The following TRIM68 variants were observed in gnomAD, a reference collection of about 807,000 sequenced individuals.
The protein encoded by TRIM68 is tripartite motif containing 68.
In TRIM68, 36 loss-of-function variants were observed where a neutral mutation model predicts 41.9. That is an observed-to-expected ratio of 0.86 (90% CI 0.66 to 1.14). TRIM68 has a LOEUF of 1.14. Among genes scored for constraint, TRIM68 ranks in the 50% most tolerant of loss-of-function variants. TRIM68 has a pLI of 0.00. For synonymous variants in TRIM68, 225 were observed against 224.6 expected, an observed-to-expected ratio of 1.00 and a Z score of -0.02; for missense variants, 632 against 605.1, an observed-to-expected ratio of 1.04 and a Z score of -0.47.
Position 4,600,440 on chromosome 11 carries a change from G to C in TRIM68, c.1294C>G (p.His432Asp). 1 of 1,613,972 alleles carries C rather than the reference G, an allele frequency of 6.2e-7. No homozygotes were observed. Among genetic ancestry groups the C allele is most frequent in the Non-Finnish European group, 8.5e-7 (1 of 1,179,936 alleles). Reference sequence around the variant, plus strand: ...GTCACATTGTAGAAAGAAATGTCATGGGCCTCATAATCCACGAAGATTCCC... The same window carrying C: ...GTCACATTGTAGAAAGAAATGTCATCGGCCTCATAATCCACGAAGATTCCC... ...RVGIFVDYEA[H>D]DISFYNVTDC... The change falls in exon 7 of 7, where the codon CAT becomes GAT. Residue 432 changes from histidine (H) to aspartate (D), a missense_variant. His to Asp is a moderately conservative substitution (Grantham distance 81). Transcript: ENST00000300747.
intron 4 of TRIM68, chr11:4,601,928 GC>G: frequency 1.3e-6 from 1 of 776,052 alleles, no homozygotes; most frequent in Non-Finnish European, 2.0e-6. Flanking sequence ...CTGGAATGAC[GC>G]CAGAGCTGCC....
chr11:4,604,392 G>T (rs572989106), intron 2 of TRIM68, among the ~76,000 whole-genome samples: 1 of 152,320 alleles, frequency 6.6e-6, no homozygotes, highest in African/African-American at 2.4e-5. Context: ...AAGTTGATGA[G>T]GTTAGCTACA....
chr11:4,601,618 C>T (rs1312953531), intron 5 of TRIM68, 46 bp downstream of exon 5: 1 of 1,611,458 alleles, frequency 6.2e-7, no homozygotes, highest in East Asian at 2.2e-5. Context: ...TTAGGCCTCA[C>T]TATCCCCTAC....
chr11:4,599,205 T>C lies in TRIM68; in HGVS notation c.*1071A>G, dbSNP rs1317360959. ...CTTCAGCAGCTTTGTAAGAAATAAC[T>C]TGCTCCAGGGGCCGGGCGCAGTGGC... On this transcript the variant is annotated 3_prime_UTR_variant, in exon 7 of 7. Coordinates refer to ENST00000300747, the MANE Select transcript of TRIM68 (RefSeq NM_018073.8). 6.6e-6 allele frequency: 1 copy of C among 152,140 alleles called. No individual in the cohort carries two copies. Among genetic ancestry groups the C allele is most frequent in the Non-Finnish European group, 1.5e-5 (1 of 68,026 alleles). The allele number at this position is 152,140 out of a possible 1,614,324, so 9.4% of individuals were successfully genotyped here. A position where few individuals can be genotyped will look rare whatever the true frequency, so the allele number is the denominator to read the frequency against.
Position 4,599,190 on chromosome 11 carries a change from T to A in TRIM68, c.*1086A>T, listed in dbSNP as rs1217698284. 1 of 152,184 alleles carries A rather than the reference T, an allele frequency of 6.6e-6. No homozygotes were observed. Among genetic ancestry groups the A allele is most frequent in the East Asian group, 1.9e-4 (1 of 5,190 alleles). The allele number at this position is 152,184 out of a possible 1,614,324, so 9.4% of individuals were successfully genotyped here. A position where few individuals can be genotyped will look rare whatever the true frequency, so the allele number is the denominator to read the frequency against. Reference sequence around the variant, plus strand: ...TTTTGATAATCTTACCTTCAGCAGCTTTGTAAGAAATAACTTGCTCCAGGG... The same window carrying A: ...TTTTGATAATCTTACCTTCAGCAGCATTGTAAGAAATAACTTGCTCCAGGG... On this transcript the variant is annotated 3_prime_UTR_variant, in exon 7 of 7. Coordinates refer to ENST00000300747, the MANE Select transcript of TRIM68 (RefSeq NM_018073.8).
At chr11:4,607,065 C>G (rs932784098) in intron 1 of TRIM68, among the ~76,000 whole-genome samples, 5 of 152,222 alleles carry the variant, frequency 3.3e-5, no homozygotes, top group Admixed American at 2.6e-4. Context: ...CTCCTTGAAA[C>G]AGCACCTGTG....
At position 4,605,357 on chromosome 11, in the gene TRIM68, A is replaced by G. The variant is rs775773891; in HGVS notation, c.148T>C (p.Ser50Pro). ...LSGLWEIPGESQNWGYTCPLC... is the reference protein window; with the variant it reads ...LSGLWEIPGEPQNWGYTCPLC... ...GGACAGGTGTAACCCCAGTTCTGGG[A>G]TTCTCCTGGGATCTCCCAGAGTCCA... Residue 50 changes from serine to proline, a missense_variant, in exon 2 of 7, where the codon TCC becomes CCC. By Grantham distance (74) the Ser-to-Pro change is moderately conservative. Coordinates refer to ENST00000300747, the MANE Select transcript of TRIM68 (RefSeq NM_018073.8). 1 of 1,614,210 alleles carries G rather than the reference A, an allele frequency of 6.2e-7. No homozygotes were observed. The highest frequency in any genetic ancestry group is 1.7e-5 in the Admixed American group (1 of 60,028).
In TRIM68 at chr11:4,602,260, C is replaced by T; in HGVS notation, c.675G>A (p.Gln225=). 1 of 1,614,188 alleles carries T rather than the reference C, an allele frequency of 6.2e-7. No individual in the cohort carries two copies. The highest frequency in any genetic ancestry group is 8.5e-7 in the Non-Finnish European group (1 of 1,180,032). ...GCTCGCTATGGTTCAACTCCAGTTT[C>T]TGCATGGTCTCCGCTGCCTCCCGCT... ...SLQREAAETM[Q]KLELNHSELI... Residue 225 remains glutamine (Q), a synonymous_variant, in exon 4 of 7, where the codon CAG becomes CAA. Transcript: ENST00000300747.
chr11:4,601,932 G>C (rs912563496), intron 4 of TRIM68: 2 of 779,152 alleles, frequency 2.6e-6, no homozygotes, highest in Non-Finnish European at 4.1e-6. Flanking sequence ...AATGACGCCA[G>C]AGCTGCCTGA....
In TRIM68 at chr11:4,599,087, T is replaced by C. The variant is rs1021987228; in HGVS notation, c.*1189A>G. On this transcript the variant is annotated 3_prime_UTR_variant, in exon 7 of 7. Transcript: ENST00000300747. ...TGAGAAGTTTCAGACCCAAATATAA[T>C]AAGTGATGTATAGGCATGTGACCTG... 1 of 152,208 alleles carries C rather than the reference T, an allele frequency of 6.6e-6. No homozygotes were observed. The highest frequency in any genetic ancestry group is 1.5e-5 in the Non-Finnish European group (1 of 68,034). The allele number at this position is 152,208 out of a possible 1,614,324, so 9.4% of individuals were successfully genotyped here.
chr11:4,605,703 T>C, intron 1 of TRIM68, 142 bp from the exon 2 acceptor site: 1 of 604,136 alleles, frequency 1.7e-6, no homozygotes, highest in South Asian at 2.2e-5. Flanking sequence ...CATTGGCCTT[T>C]CCAACTGAAG....
At position 4,605,127 on chromosome 11, in the gene TRIM68, A is replaced by C. The variant is rs774891404; in HGVS notation, c.378T>G (p.His126Gln). Residue 126 changes from histidine (H) to glutamine (Q), a missense_variant, in exon 2 of 7, where the codon CAT (histidine) becomes CAG (glutamine). By Grantham distance (24) the His-to-Gln change is conservative. Coordinates refer to ENST00000300747, the MANE Select transcript of TRIM68 (RefSeq NM_018073.8). Reference sequence around the variant, plus strand: ...CCATTGGCACAACACTGTGGGCCTCATGCTCTGGGGACTGGCTGCAGGCCT... The same window carrying C: ...CCATTGGCACAACACTGTGGGCCTCCTGCTCTGGGGACTGGCTGCAGGCCT... The part of the protein sequence containing the change: ...MCEACSQSPE[H>Q]EAHSVVPMED... The C allele has an allele frequency of 6.2e-7, 1 of 1,614,182 alleles. No individual in the cohort carries two copies. The highest frequency in any genetic ancestry group is 8.5e-7 in the Non-Finnish European group (1 of 1,180,018).
chr11:4,601,949 C>CCCCA (rs1846496159), intron 4 of TRIM68: 1 of 806,028 alleles, frequency 1.2e-6, no homozygotes, highest in African/African-American at 1.7e-5. Flanking sequence ...CTGAGCACTG[C>CCCCA]CCCACCTATG....
At position 4,602,317 on chromosome 11, in the gene TRIM68, C is replaced by T. The variant is rs780420528; in HGVS notation, c.618G>A (p.Gly206=). ...EKKQPPHRQL[G]AEVAAALASL... is the part of the protein sequence containing the mutation. Reference sequence around the variant, plus strand: ...TGGCCAGAGCTGCTGCTACCTCTGCCCCCAGCTGCCGATGTGGTGGCTGCT... The same window carrying T: ...TGGCCAGAGCTGCTGCTACCTCTGCTCCCAGCTGCCGATGTGGTGGCTGCT... Residue 206 remains glycine, a synonymous_variant, in exon 4 of 7, where the codon GGG becomes GGA. Transcript: ENST00000300747. 35 of 1,614,036 alleles carry T rather than the reference C, an allele frequency of 2.2e-5. No individual in the cohort carries two copies. The South Asian group carries it at 3.4e-4, about 16-fold the overall frequency.
chr11:4,602,068 C>T, intron 4 of TRIM68, 84 bp downstream of exon 4: 1 of 1,585,266 alleles, frequency 6.3e-7, no homozygotes, highest in Non-Finnish European at 8.6e-7. Context: ...GCAGTCCCTA[C>T]TGAAGGGTAA....
intron 4 of TRIM68, chr11:4,601,916 G>T: frequency 1.3e-6 from 1 of 766,530 alleles, no homozygotes; most frequent in Non-Finnish European, 2.1e-6. Context: ...AGAGGAGAGG[G>T]CCTGGAATGA....
At chr11:4,603,950 T>C (rs989730863) in intron 2 of TRIM68, among the ~76,000 whole-genome samples, 2 of 152,188 alleles carry the variant, frequency 1.3e-5, no homozygotes, top group African/African-American at 4.8e-5. Flanking sequence ...ATATATCAAG[T>C]GTCAGGTATA....
At position 4,603,258 on chromosome 11, in the gene TRIM68, G is replaced by C. The variant is rs769783170; in HGVS notation, c.509C>G (p.Thr170Ser). 1 of 1,614,234 alleles carries C rather than the reference G, an allele frequency of 6.2e-7. No individual in the cohort carries two copies. The highest frequency in any genetic ancestry group is 8.5e-7 in the Non-Finnish European group (1 of 1,180,044). Residue 170 changes from threonine (T) to serine (S), a missense_variant, in exon 3 of 7, where the codon ACT becomes AGT. Thr to Ser is a moderately conservative substitution (Grantham distance 58). Transcript: ENST00000300747. ...WKLEVGERKR[T>S]ATWKIQVETR... ...GAGGCAACCTGCCTTCCAGGTGGCA[G>C]TTCGTTTCCTTTCACCAACTTCAAG...
intron 4 of TRIM68, 143 bp downstream of exon 4, chr11:4,602,009 G>T (rs1846497033): frequency 4.1e-6 from 5 of 1,227,326 alleles, no homozygotes; most frequent in Non-Finnish European, 5.7e-6. Context: ...GGAAACAGCA[G>T]GTATTAGCTG....
Sources: gnomAD v4.1 joint callset for allele counts (sites outside exome capture counted in the v4.1 genomes callset) on GRCh38, gnomAD v4.1.1 for gene constraint, MANE v1.5 for transcripts, NCBI Gene and HGNC (gene_info 2026-07-23, HGNC 2026-07-21) for gene names.